DGKB: variants seen among roughly 807,000 people sequenced by gnomAD.
DGKB encodes 90 kDa diacylglycerol kinase.
DGKB carries 67 observed loss-of-function variants against 114.3 expected under a neutral mutation model. The observed-to-expected ratio is 0.59, with a 90% CI of 0.48 to 0.72. The LOEUF is 0.72. DGKB is among the 30% of genes least tolerant of loss of function. DGKB has a pLI of 0.00. For synonymous variants in DGKB, 398 were observed against 323.1 expected, an observed-to-expected ratio of 1.23 and a Z score of -2.49; for missense variants, 907 against 975.2, an observed-to-expected ratio of 0.93 and a Z score of 0.93.
intron 23 of DGKB, among the ~76,000 whole-genome samples, chr7:14,203,051 C>G (rs369827389): frequency 6.8e-6 from 1 of 146,300 alleles, no homozygotes; most frequent in Admixed American, 7.0e-5. Context: ...TACAATTAAG[C>G]GATTCAGTCA....
chr7:14,864,022 C>T (rs1331763903), intron 1 of DGKB, among the ~76,000 whole-genome samples: 2 of 151,032 alleles, frequency 1.3e-5, no homozygotes, highest in Admixed American at 1.3e-4. Context: ...TCACTTGAAC[C>T]CAGGAGGCAG....
At chr7:14,359,239 C>T (rs10266761) in intron 21 of DGKB, among the ~76,000 whole-genome samples, 329 of 152,190 alleles carry the variant, frequency 2.2e-3, no homozygotes, top group African/African-American at 7.0e-3. Context: ...ATTTAATAAA[C>T]GGCGCTGGGA....
At chr7:14,564,120 G>T (rs1266629968) in intron 20 of DGKB, among the ~76,000 whole-genome samples, 1 of 152,120 alleles carries the variant, frequency 6.6e-6, no homozygotes, top group South Asian at 2.1e-4. Context: ...GAAAATTTTT[G>T]TCTGCTTGCT....
intron 2 of DGKB, among the ~76,000 whole-genome samples, chr7:14,769,123 A>AAGAAAGAAAGAAAGAG (rs1165314403): frequency 1.8e-4 from 16 of 89,170 alleles, no homozygotes; most frequent in African/African-American, 6.8e-4. Flanking sequence ...GAAAGAAAGA[A>AAGAAAGAAAGAAAGAG]AGAGAGAGAG....
chr7:14,943,825 A>G (rs865881766), intron 1 of DGKB, among the ~76,000 whole-genome samples: 11 of 151,984 alleles, frequency 7.2e-5, no homozygotes, highest in Middle Eastern at 3.4e-3. Flanking sequence ...ATTACTTCTG[A>G]ATTCTTTACT....
At chr7:14,826,921 C>A (rs1207194753) in intron 2 of DGKB, among the ~76,000 whole-genome samples, 1 of 152,146 alleles carries the variant, frequency 6.6e-6, no homozygotes, top group Admixed American at 6.6e-5. Flanking sequence ...AAATGCACTA[C>A]TGTGAATACT....
chr7:14,696,501 CAAAAAAAAAAAAAAAAAAA>C (rs35486620), intron 8 of DGKB, among the ~76,000 whole-genome samples: 9 of 45,062 alleles, frequency 2.0e-4, no homozygotes, highest in Non-Finnish European at 3.9e-4. Context: ...GACTCCGTCT[CAAAAAAAAAAAAAAAAAAA>C]AAAAAAAAAA....
chr7:14,386,390 C>A (rs1040094493), intron 21 of DGKB, among the ~76,000 whole-genome samples: 1 of 152,172 alleles, frequency 6.6e-6, no homozygotes, highest in Non-Finnish European at 1.5e-5. Flanking sequence ...TTGTCTCACA[C>A]CTCTACACTT....
At chr7:14,360,622 G>C (rs1183368750) in intron 21 of DGKB, among the ~76,000 whole-genome samples, 3 of 151,872 alleles carry the variant, frequency 2.0e-5, no homozygotes, top group Non-Finnish European at 4.4e-5. Flanking sequence ...TTTACAACTA[G>C]AATAGACATT....
At chr7:14,301,354 C>G (rs1803512008) in intron 23 of DGKB, among the ~76,000 whole-genome samples, 1 of 151,998 alleles carries the variant, frequency 6.6e-6, no homozygotes, top group Admixed American at 6.6e-5. Context: ...TTTTCTATAT[C>G]CTACACACCC....
rs1384779142 is a variant in DGKB at position 14,574,361 on chromosome 7, C to T, written c.1621G>A (p.Glu541Lys). The T allele has an allele frequency of 6.2e-7, 1 of 1,610,958 alleles. No individual in the cohort carries two copies. The highest frequency in any genetic ancestry group is 8.5e-7 in the Non-Finnish European group (1 of 1,178,954). ...TCTTTTAGAATTTTCATCAGATTCTCACCTTCGTAACCTAGTGGGAAAAAA... is the reference window on the plus strand; with the variant it reads ...TCTTTTAGAATTTTCATCAGATTCTTACCTTCGTAACCTAGTGGGAAAAAA... ...CLRWGGGYEGENLMKILKDIE... is the reference protein window; with the variant it reads ...CLRWGGGYEGKNLMKILKDIE... Residue 541 changes from glutamate to lysine, a missense_variant, in exon 20 of 26, where the codon GAG becomes AAG. Transcript: ENST00000402815.
chr7:14,149,425 T>A (rs1482664913), intron 25 of DGKB, among the ~76,000 whole-genome samples, 187 bp from the exon 26 acceptor site: 1 of 152,180 alleles, frequency 6.6e-6, no homozygotes, highest in Non-Finnish European at 1.5e-5. Flanking sequence ...TAGGGATATG[T>A]ACTTAAATAA....
rs79796227 is a variant in DGKB, at chr7:14,667,072, T to G, written c.1134+5857A>C. ...AATTATCTGTGAAAGCCGTTTGTAA[T>G]GCATGCTTATAAAAAGCATTTCATC... On this transcript the variant is annotated intron_variant, in intron 13 of 25. Transcript: ENST00000402815. Among the ~76,000 whole-genome samples the G allele has an allele frequency of 2.7e-3, 418 of 152,174 alleles. 1 individual carries two copies. Among genetic ancestry groups the G allele is most frequent in the African/African-American group, 9.5e-3 (396 of 41,556 alleles).
At chr7:14,906,997 A>C (rs1188179430), upstream of DGKB, among the ~76,000 whole-genome samples, 1 of 152,228 alleles carries the variant, frequency 6.6e-6, no homozygotes, top group East Asian at 1.9e-4. Context: ...ATTGCTCAAT[A>C]ATTTAAATCC....
intron 13 of DGKB, among the ~76,000 whole-genome samples, chr7:14,665,392 G>A (rs2128932958): frequency 6.6e-6 from 1 of 151,994 alleles, no homozygotes; most frequent in African/African-American, 2.4e-5. Context: ...AGGAGGAAGA[G>A]GATGAGGAAA....
At chr7:14,260,044 G>C (rs939383723) in intron 23 of DGKB, among the ~76,000 whole-genome samples, 1 of 150,322 alleles carries the variant, frequency 6.7e-6, no homozygotes, top group Non-Finnish European at 1.5e-5. Flanking sequence ...CTTTATTGCA[G>C]ATTAAAAACA....
chr7:14,613,958 G>C (rs532784029), intron 15 of DGKB, among the ~76,000 whole-genome samples: 12 of 152,238 alleles, frequency 7.9e-5, no homozygotes, highest in Non-Finnish European at 1.3e-4. Flanking sequence ...AATTTGTTCA[G>C]TGCTTTCTTT....
At chr7:14,203,787 C>T (rs373001432) in intron 23 of DGKB, among the ~76,000 whole-genome samples, 8 of 151,976 alleles carry the variant, frequency 5.3e-5, no homozygotes, top group African/African-American at 1.9e-4. Context: ...CTTAAAACCT[C>T]ATCTCTGTTC....
At chr7:14,742,439 C>T (rs974643679) in intron 4 of DGKB, among the ~76,000 whole-genome samples, 1 of 152,046 alleles carries the variant, frequency 6.6e-6, no homozygotes, top group African/African-American at 2.4e-5. Context: ...GTTCATGTAG[C>T]TTTAATCTTT....
Sources: gnomAD v4.1 joint callset for allele counts (sites outside exome capture counted in the v4.1 genomes callset) on GRCh38, gnomAD v4.1.1 for gene constraint, MANE v1.5 for transcripts, NCBI Gene and HGNC (gene_info 2026-07-23, HGNC 2026-07-21) for gene names.